SHISA6: variants seen among roughly 807,000 people sequenced by gnomAD.
SHISA6 encodes shisa family member 6.
In SHISA6, 22 loss-of-function variants were observed where a neutral mutation model predicts 47.9. The ratio of observed to expected loss-of-function variants is 0.46; its 90% CI spans 0.33 to 0.66. The LOEUF is 0.66. Ranked by LOEUF, SHISA6 falls within the 30% of genes least tolerant of loss-of-function variation. The pLI is 0.02. For synonymous variants in SHISA6, 388 were observed against 337.8 expected, an observed-to-expected ratio of 1.15 and a Z score of -1.63; for missense variants, 680 against 764.6, an observed-to-expected ratio of 0.89 and a Z score of 1.30.
At chr17:11,477,661 T>C (rs1916087863) in intron 3 of SHISA6, among the ~76,000 whole-genome samples, 1 of 144,266 alleles carries the variant, frequency 6.9e-6, no homozygotes, top group South Asian at 2.2e-4. Context: ...TGAGTGAGAA[T>C]ATGCGGTGTT....
intron 3 of SHISA6, among the ~76,000 whole-genome samples, chr17:11,429,065 A>G (rs184543760): frequency 4.5e-4 from 69 of 152,234 alleles, no homozygotes; most frequent in Non-Finnish European, 9.0e-4. Context: ...CTAGGATTAC[A>G]GGTGTGAGCC....
chr17:11,530,539 A>T (rs2071723492), intron 3 of SHISA6, among the ~76,000 whole-genome samples: 1 of 152,210 alleles, frequency 6.6e-6, no homozygotes, highest in South Asian at 2.1e-4. Context: ...AGCAACAGCC[A>T]GAGTTGTTTT....
intron 3 of SHISA6, among the ~76,000 whole-genome samples, chr17:11,523,863 G>A (rs1347580976): frequency 3.9e-5 from 6 of 151,928 alleles, no homozygotes; most frequent in African/African-American, 1.2e-4. Context: ...AAAATTAGCC[G>A]GGCATGGTGG....
intron 3 of SHISA6, among the ~76,000 whole-genome samples, chr17:11,420,528 T>G (rs1914423013): frequency 6.6e-6 from 1 of 152,146 alleles, no homozygotes; most frequent in South Asian, 2.1e-4. Flanking sequence ...AGGCACATAT[T>G]GGAATAACAC....
At chr17:11,490,515 G>A (rs945659479) in intron 3 of SHISA6, among the ~76,000 whole-genome samples, 27 of 152,106 alleles carry the variant, frequency 1.8e-4, no homozygotes, top group East Asian at 1.9e-4. Context: ...CAGGGAGTGC[G>A]ATTTTAATGT....
intron 1 of SHISA6, among the ~76,000 whole-genome samples, chr17:11,262,908 G>A (rs1384861043): frequency 1.3e-5 from 2 of 152,204 alleles, no homozygotes; most frequent in East Asian, 3.9e-4. Flanking sequence ...GTACTTATTT[G>A]GGTCTCCAGT....
rs549373000 is a variant in SHISA6 at position 11,557,883 on chromosome 17, G to A, written c.1235G>A (p.Arg412Gln). Residue 412 changes from arginine (R) to glutamine (Q), a missense_variant, in exon 6 of 6, where the codon CGG (arginine) becomes CAG (glutamine). Coordinates refer to ENST00000441885, the MANE Select transcript of SHISA6 (RefSeq NM_207386.4). ...CCGTTGCCAAGGGAACGACCCCGCCGGCCCATCCGGGCCATGTCCCAGGAC... is the reference window on the plus strand; with the variant it reads ...CCGTTGCCAAGGGAACGACCCCGCCAGCCCATCCGGGCCATGTCCCAGGAC... The part of the protein sequence containing the change: ...QKPLPRERPR[R>Q]PIRAMSQDRV... The A allele has an allele frequency of 1.5e-5, 24 of 1,551,512 alleles. No individual in the cohort carries two copies. The highest frequency in any genetic ancestry group is 4.9e-5 in the East Asian group (2 of 40,898).
intron 2 of SHISA6, among the ~76,000 whole-genome samples, chr17:11,341,326 C>CT (rs1911520237): frequency 7.5e-6 from 1 of 132,506 alleles, no homozygotes; most frequent in Non-Finnish European, 1.6e-5. Context: ...TTCTCTCTCT[C>CT]TCTTTTTTTT....
chr17:11,558,165 A>T lies in SHISA6; in HGVS notation c.1517A>T (p.Tyr506Phe), dbSNP rs1460097373. 7.1e-6 allele frequency: 11 copies of T among 1,548,880 alleles called. No homozygotes were observed. Among genetic ancestry groups the T allele is most frequent in the Non-Finnish European group, 9.6e-6 (11 of 1,147,004 alleles). The part of the protein sequence containing the change: ...HSHPSASNNS[Y>F]ATLGQSQTAA... ...CATCCCAGTGCCTCCAATAACTCAT[A>T]CGCCACCCTGGGCCAGAGCCAGACG... Residue 506 changes from tyrosine to phenylalanine, a missense_variant, in exon 6 of 6, where the codon TAC (tyrosine) becomes TTC (phenylalanine). Physicochemically the swap from Tyr to Phe is conservative, Grantham distance 22 (BLOSUM62 3). This residue lies in a region of SHISA6 where 559 missense variants were observed against 674.1 expected (regional missense o/e 0.83). Transcript: ENST00000441885.
At chr17:11,307,710 A>T (rs76205628) in intron 2 of SHISA6, among the ~76,000 whole-genome samples, 5,193 of 152,248 alleles carry the variant, frequency 0.034, 312 homozygotes, top group African/African-American at 0.12. Flanking sequence ...CATAAAGTCT[A>T]TGCTCTCATG....
chr17:11,252,216 C>G (rs1403488778), intron 1 of SHISA6, among the ~76,000 whole-genome samples: 1 of 152,176 alleles, frequency 6.6e-6, no homozygotes, highest in African/African-American at 2.4e-5. Flanking sequence ...TGGCCCCATT[C>G]CCCAGTGTTT....
rs111328773 is a variant in SHISA6, at chr17:11,416,055, T to G, written c.895+36546T>G. Among the ~76,000 whole-genome samples, 222 of 152,288 alleles carry G rather than the reference T, an allele frequency of 1.5e-3. 1 individual carries two copies. Among genetic ancestry groups the G allele is most frequent in the African/African-American group, 5.1e-3 (214 of 41,562 alleles). ...GGAGATATTATTTCTCTCATGTTTC[T>G]TCTTATAAGACCACTAATTCCATTT... On this transcript the variant is annotated intron_variant, in intron 3 of 5. Transcript: ENST00000441885.
chr17:11,372,976 C>T (rs1912676539), intron 2 of SHISA6, among the ~76,000 whole-genome samples: 3 of 151,908 alleles, frequency 2.0e-5, no homozygotes, highest in South Asian at 4.2e-4. Context: ...CCTGTTTTTA[C>T]ACCAGATTTT....
rs1439640154 is a variant in SHISA6 at position 11,439,220 on chromosome 17, A to G, written c.895+59711A>G. Among the ~76,000 whole-genome samples the G allele has an allele frequency of 4.6e-5, 7 of 152,206 alleles. No homozygotes were observed. In the East Asian group the frequency reaches 1.3e-3, roughly 29 times the overall value. Reference sequence around the variant, plus strand: ...GGCACATTTGTGCATTGGAGAAAAAAGCACATGTAACCTCGAAGAGGAATG... The same window carrying G: ...GGCACATTTGTGCATTGGAGAAAAAGGCACATGTAACCTCGAAGAGGAATG... On this transcript the variant is annotated intron_variant, in intron 3 of 5. Transcript: ENST00000441885.
intron 2 of SHISA6, among the ~76,000 whole-genome samples, chr17:11,359,940 A>G (rs1403527380): frequency 1.3e-5 from 2 of 152,196 alleles, no homozygotes; most frequent in Non-Finnish European, 2.9e-5. Flanking sequence ...CAAAAATACC[A>G]TTTGACCCAG....
intron 2 of SHISA6, among the ~76,000 whole-genome samples, chr17:11,333,917 C>T (rs2142206962): frequency 6.6e-6 from 1 of 152,304 alleles, no homozygotes; most frequent in Non-Finnish European, 1.5e-5. Context: ...GAGGATGGTA[C>T]ATTGGCAATT....
chr17:11,462,521 A>G (rs1915717397), intron 3 of SHISA6, among the ~76,000 whole-genome samples: 1 of 152,174 alleles, frequency 6.6e-6, no homozygotes, highest in Non-Finnish European at 1.5e-5. Context: ...TACTACTACC[A>G]TCAATATGGA....
At chr17:11,416,262 A>G (rs975729299) in intron 3 of SHISA6, among the ~76,000 whole-genome samples, 1 of 152,218 alleles carries the variant, frequency 6.6e-6, no homozygotes, top group African/African-American at 2.4e-5. Context: ...AAGTAAATAT[A>G]TATAATGTAA....
intron 2 of SHISA6, among the ~76,000 whole-genome samples, chr17:11,285,853 T>A (rs75393624): frequency 6.6e-6 from 1 of 151,402 alleles, no homozygotes; most frequent in African/African-American, 2.4e-5. Flanking sequence ...TTTTTTTTTT[T>A]TGAGATGGAG....
Sources: gnomAD v4.1 joint callset for allele counts (sites outside exome capture counted in the v4.1 genomes callset) on GRCh38, gnomAD v4.1.1 for gene constraint, gnomAD v4.1.1 regional missense constraint, MANE v1.5 for transcripts, NCBI Gene and HGNC (gene_info 2026-07-23, HGNC 2026-07-21) for gene names.